The following WBP2NL variants were observed in gnomAD, a reference collection of about 807,000 sequenced individuals.
WBP2NL encodes WBP2 N-terminal like, also known as postacrosomal sheath WW domain-binding protein.
In WBP2NL, 27 loss-of-function variants were observed where a neutral mutation model predicts 23.3. The observed-to-expected ratio is 1.16, with a 90% confidence interval of 0.85 to 1.60. The LOEUF is 1.60. Ranked by LOEUF, WBP2NL falls within the 40% of genes most tolerant of loss-of-function variation. The probability of loss-of-function intolerance (pLI) is 0.00; values close to 1 mark genes in which losing one functional copy is unlikely to be tolerated. For missense variants in WBP2NL, 370 were observed against 389.5 expected, an observed-to-expected ratio of 0.95 and a Z score of 0.42; for synonymous variants, 151 against 145.9, an observed-to-expected ratio of 1.03 and a Z score of -0.25.
At chr22:42,049,976 CAAAAAAAA>C (rs34787117) in intron 8 of WBP2NL, among the ~76,000 whole-genome samples, 3 of 84,420 alleles carry the variant, frequency 3.6e-5, no homozygotes, top group South Asian at 4.4e-4. Flanking sequence ...GACTCCGTCT[CAAAAAAAA>C]AAAAAAAAAA....
intron 4 of WBP2NL, 106 bp downstream of exon 4, chr22:42,020,202 A>G: frequency 8.6e-7 from 1 of 1,159,230 alleles, no homozygotes. Flanking sequence ...TGTTTTTGAG[A>G]CAGGGATTTT....
intron 8 of WBP2NL, among the ~76,000 whole-genome samples, chr22:42,049,255 T>C (rs1925721754): frequency 6.6e-6 from 1 of 152,108 alleles, no homozygotes; most frequent in Admixed American, 6.5e-5. Context: ...GGAGAAAGGA[T>C]AGTCTTCCCA....
chr22:42,000,369 A>G (rs983562012), intron 1 of WBP2NL, among the ~76,000 whole-genome samples: 1 of 152,202 alleles, frequency 6.6e-6, no homozygotes, highest in Admixed American at 6.5e-5. Flanking sequence ...CCCCGTGAGC[A>G]CTTACTGAGA....
At chr22:42,054,923 T>C (rs1239975989) in intron 8 of WBP2NL, among the ~76,000 whole-genome samples, 1 of 152,148 alleles carries the variant, frequency 6.6e-6, no homozygotes, top group Non-Finnish European at 1.5e-5. Context: ...TATAGATGTA[T>C]GGGTTTATTT....
chr22:42,032,695 CT>C (rs1649263502), downstream of WBP2NL: 2 of 464,324 alleles, frequency 4.3e-6, no homozygotes, highest in Non-Finnish European at 8.9e-6. Context: ...CCTTGAGAGT[CT>C]TCTGGAGCCT....
intron 1 of WBP2NL, among the ~76,000 whole-genome samples, chr22:41,999,554 G>A (rs1240083237): frequency 3.3e-5 from 5 of 152,180 alleles, no homozygotes; most frequent in Admixed American, 3.3e-4. Flanking sequence ...AAGCTGAGGT[G>A]GCCCAGGAGT....
At chr22:42,037,128 TTGTGTGTGTGTGTGTGTG>T (rs3045493), downstream of WBP2NL, among the ~76,000 whole-genome samples, 6 of 148,202 alleles carry the variant, frequency 4.0e-5, no homozygotes, top group African/African-American at 4.9e-5. Context: ...CAGATTTCAT[TTGTGTGTGTGTGTGTGTG>T]TGTGTGTGTG....
rs1421468659 is a variant in WBP2NL, at chr22:42,027,477, C to A, written c.*296C>A. On this transcript the variant is annotated 3_prime_UTR_variant, in exon 6 of 6. Transcript: ENST00000328823. ...TTAAACATAACTTTTTCCACACTCG[C>A]ATTCAAGGTTCCTGTCTTCCCATCC... The A allele has an allele frequency of 8.2e-6, 3 of 367,400 alleles. No individual in the cohort carries two copies. The highest frequency in any genetic ancestry group is 1.5e-5 in the Non-Finnish European group (3 of 205,674). The allele number at this position is 367,400 out of a possible 1,614,324, so 22.8% of individuals were successfully genotyped here. A position where few individuals can be genotyped will look rare whatever the true frequency, so the allele number is the denominator to read the frequency against.
chr22:42,044,056 A>C (rs1925494625), intron 8 of WBP2NL, among the ~76,000 whole-genome samples: 1 of 152,118 alleles, frequency 6.6e-6, no homozygotes, highest in Non-Finnish European at 1.5e-5. Flanking sequence ...TGTTAACCAA[A>C]GAAAAGATTT....
At chr22:42,031,172 C>T (rs1386196815), downstream of WBP2NL, 2 of 152,208 alleles carry the variant, frequency 1.3e-5, no homozygotes, top group Non-Finnish European at 1.5e-5. Flanking sequence ...CGTGGTGCTG[C>T]GTGGCACACC....
Position 42,027,579 on chromosome 22 carries a change from G to A in WBP2NL, c.*398G>A, listed in dbSNP as rs1795556730. 2 of 254,530 alleles carry A rather than the reference G, an allele frequency of 7.9e-6. No homozygotes were observed. The highest frequency in any genetic ancestry group is 9.6e-5 in the Admixed American group (2 of 20,732). 15.8% of individuals were successfully genotyped at this position (254,530 alleles called of 1,614,324 possible). On this transcript the variant is annotated 3_prime_UTR_variant, in exon 6 of 6. Coordinates refer to ENST00000328823, the MANE Select transcript of WBP2NL (RefSeq NM_152613.3). ...CTAAAAACGTCATGTTGAACACTTA[G>A]TTGTTTGAGAAAGCTAAATTTTCAA...
At chr22:42,041,809 C>A (rs1490206979) in intron 8 of WBP2NL, among the ~76,000 whole-genome samples, 3 of 152,110 alleles carry the variant, frequency 2.0e-5, no homozygotes, top group African/African-American at 7.2e-5. Flanking sequence ...TTTCACATTG[C>A]TGATTAGGAT....
intron 1 of WBP2NL, among the ~76,000 whole-genome samples, chr22:42,007,706 G>A (rs1279895422): frequency 6.6e-6 from 1 of 152,126 alleles, no homozygotes; most frequent in Non-Finnish European, 1.5e-5. Context: ...CTCAAGGTTC[G>A]TCCATGTTAC....
chr22:42,028,980 C>T (rs1041185343), downstream of WBP2NL, among the ~76,000 whole-genome samples: 1 of 152,226 alleles, frequency 6.6e-6, no homozygotes, highest in Non-Finnish European at 1.5e-5. Context: ...TTCCTAATTG[C>T]TCCCTGGGGG....
chr22:42,045,915 G>A (rs57519364), intron 8 of WBP2NL, among the ~76,000 whole-genome samples: 7,716 of 152,302 alleles, frequency 0.051, 683 homozygotes, highest in African/African-American at 0.18. Flanking sequence ...ATTGGTGAAA[G>A]TTGTTGAAGC....
chr22:42,029,294 GAAAAAAAAAAA>G (rs953340569), downstream of WBP2NL, among the ~76,000 whole-genome samples: 2 of 81,994 alleles, frequency 2.4e-5, no homozygotes, highest in African/African-American at 9.6e-5. Flanking sequence ...CTGTGTCTAG[GAAAAAAAAAAA>G]AAAAAAAAAA....
At chr22:42,034,442 C>T (rs556001641), downstream of WBP2NL, among the ~76,000 whole-genome samples, 18 of 152,120 alleles carry the variant, frequency 1.2e-4, no homozygotes, top group Admixed American at 5.2e-4. Context: ...AGGGAGTGTG[C>T]GAATAGGTGT....
Position 42,057,865 on chromosome 22 carries a change from G to GTGTA in WBP2NL, c.*274-424_*274-423insGTAT, listed in dbSNP as rs1289582411. 3.6e-3 allele frequency among the ~76,000 whole-genome samples: 217 copies of GTGTA among 59,580 alleles called. 1 individual carries two copies. The highest frequency in any genetic ancestry group is 0.018 in the African/African-American group (212 of 11,996). 39.1% of individuals were successfully genotyped at this position (59,580 alleles called of 152,430 possible). ...TATATATACACATATATGTGTGTGT[G>GTGTA]TATGTATATATATATATATATATAT... On this transcript the variant is annotated intron_variant and NMD_transcript_variant, in intron 8 of 8. Coordinates refer to the WBP2NL transcript ENST00000436265.
chr22:42,038,329 T>A (rs1479788226), intron 8 of WBP2NL, among the ~76,000 whole-genome samples: 2 of 152,248 alleles, frequency 1.3e-5, no homozygotes, highest in Non-Finnish European at 2.9e-5. Context: ...TAAATCCCAC[T>A]CTATCATGTT....
Sources: allele counts gnomAD v4.1 joint callset (sites outside exome capture counted in the v4.1 genomes callset), GRCh38; gene constraint gnomAD v4.1.1; transcripts MANE v1.5; gene names NCBI Gene and HGNC (gene_info 2026-07-23, HGNC 2026-07-21).